SMAD2: variants seen among roughly 807,000 people sequenced by gnomAD.
SMAD2 encodes MAD homolog 2.
SMAD2 carries 8 observed loss-of-function variants against 64.4 expected under a neutral mutation model. That is an observed-to-expected ratio of 0.12 (90% CI 0.07 to 0.22). The LOEUF (loss-of-function observed/expected upper bound fraction) is 0.22. Ranked by LOEUF, SMAD2 falls within the 10% of genes least tolerant of loss-of-function variation. The pLI is 1.00. For synonymous variants in SMAD2, 203 were observed against 195.8 expected (o/e 1.04, Z -0.31); for missense variants, 289 against 561.2 (o/e 0.51, Z 4.90).
chr18:47,837,914 G>C lies in SMAD2; in HGVS notation c.*3913C>G. On this transcript the variant is annotated 3_prime_UTR_variant, in exon 11 of 11. Coordinates refer to ENST00000262160, the MANE Select transcript of SMAD2 (RefSeq NM_005901.6). ...TTATGTACAGTGAAGATTGTCTTGT[G>C]TTACTTTATATCCCAACATAAACCT... 1 of 232,542 alleles carries C rather than the reference G, an allele frequency of 4.3e-6. No individual in the cohort carries two copies. The highest frequency in any genetic ancestry group is 6.1e-5 in the East Asian group (1 of 16,512). The allele number at this position is 232,542 out of a possible 1,614,324, so 14.4% of individuals were successfully genotyped here. A position where few individuals can be genotyped will look rare whatever the true frequency, so the allele number is the denominator to read the frequency against.
intron 1 of SMAD2, 74 bp from the exon 2 acceptor site, chr18:47,896,883 A>G (rs2033460591): frequency 7.4e-7 from 1 of 1,352,200 alleles, no homozygotes; most frequent in Admixed American, 2.0e-5. Flanking sequence ...TATCATAGAA[A>G]GCAAACTGCA....
intron 2 of SMAD2, among the ~76,000 whole-genome samples, chr18:47,892,606 C>T (rs573549140): frequency 1.6e-4 from 25 of 152,140 alleles, no homozygotes; most frequent in East Asian, 3.9e-4. Flanking sequence ...ACTTTTCTTT[C>T]GCTATTCTTG....
chr18:47,857,492 G>A (rs932652564), intron 6 of SMAD2, among the ~76,000 whole-genome samples: 38 of 152,162 alleles, frequency 2.5e-4, no homozygotes, highest in African/African-American at 8.9e-4. Flanking sequence ...TTAGTATGTA[G>A]AAGATTGGGG....
chr18:47,847,279 C>G (rs1914590151), intron 8 of SMAD2, among the ~76,000 whole-genome samples: 1 of 152,116 alleles, frequency 6.6e-6, no homozygotes, highest in Non-Finnish European at 1.5e-5. Flanking sequence ...CCACTTGGAA[C>G]CAAGTAATAG....
intron 1 of SMAD2, among the ~76,000 whole-genome samples, chr18:47,911,114 G>A (rs1262364728): frequency 2.0e-5 from 3 of 152,116 alleles, no homozygotes; most frequent in South Asian, 2.1e-4. Context: ...CACTTTGAGA[G>A]GCAGAGGCGG....
chr18:47,885,154 C>T (rs1056256849), intron 2 of SMAD2, among the ~76,000 whole-genome samples: 54 of 149,720 alleles, frequency 3.6e-4, no homozygotes, highest in East Asian at 9.8e-4. Flanking sequence ...CACACACACA[C>T]ACACACACAC....
At chr18:47,855,067 C>A (rs1029573153) in intron 6 of SMAD2, among the ~76,000 whole-genome samples, 3 of 152,166 alleles carry the variant, frequency 2.0e-5, no homozygotes, top group Non-Finnish European at 4.4e-5. Flanking sequence ...ATAGTTCTGC[C>A]TTCTCCAGAA....
intron 6 of SMAD2, among the ~76,000 whole-genome samples, chr18:47,860,454 A>C (rs545957440): frequency 2.7e-5 from 4 of 147,108 alleles, no homozygotes; most frequent in Admixed American, 6.7e-5. Context: ...AAAAAAAAAA[A>C]TTTTTTTTTG....
At chr18:47,849,475 A>G (rs1431631515) in intron 7 of SMAD2, among the ~76,000 whole-genome samples, 3 of 76,528 alleles carry the variant, frequency 3.9e-5, no homozygotes, top group African/African-American at 1.6e-4. Context: ...TAATAGTAAT[A>G]CAGAAATGTA....
chr18:47,914,004 A>C (rs755425073), intron 1 of SMAD2, among the ~76,000 whole-genome samples: 3 of 152,236 alleles, frequency 2.0e-5, no homozygotes, highest in Non-Finnish European at 4.4e-5. Context: ...CTCACCGGAA[A>C]GTTTCAATAA....
At chr18:47,866,395 T>G (rs2031565221) in intron 5 of SMAD2, among the ~76,000 whole-genome samples, 1 of 149,856 alleles carries the variant, frequency 6.7e-6, no homozygotes, top group African/African-American at 2.5e-5. Context: ...TTACAATATC[T>G]ATTCAATAAA....
At chr18:47,898,660 A>AT (rs1212991389) in intron 1 of SMAD2, among the ~76,000 whole-genome samples, 5 of 99,608 alleles carry the variant, frequency 5.0e-5, no homozygotes, top group African/African-American at 1.9e-4. Context: ...ATGGAAGAAT[A>AT]ATTTTTTTTT....
At position 47,826,207 on chromosome 18, in the gene SMAD2, C is replaced by T. The variant is rs1007338298; in HGVS notation, c.*15620G>A. The T allele has an allele frequency of 1.3e-5, 2 of 152,238 alleles. No individual in the cohort carries two copies. The highest frequency in any genetic ancestry group is 2.9e-5 in the Non-Finnish European group (2 of 68,050). 9.4% of individuals were successfully genotyped at this position (152,238 alleles called of 1,614,324 possible). A position where few individuals can be genotyped will look rare whatever the true frequency, so the allele number is the denominator to read the frequency against. On this transcript the variant is annotated 3_prime_UTR_variant, in exon 11 of 11. Transcript: ENST00000262160. ...TTAAAACATTTCAAACCAAATAGGC[C>T]ACTCTATTAAGTCCCAGCTTGAGCA... is the stretch of plus-strand genomic sequence containing the variant.
chr18:47,865,500 T>G (rs978229441), intron 5 of SMAD2, among the ~76,000 whole-genome samples: 9 of 152,320 alleles, frequency 5.9e-5, no homozygotes, highest in African/African-American at 2.2e-4. Context: ...TTGTTGTTGT[T>G]TAATCTAATG....
chr18:47,919,167 AGCAATGG>A (rs2144536336), intron 1 of SMAD2, among the ~76,000 whole-genome samples: 1 of 152,270 alleles, frequency 6.6e-6, no homozygotes, highest in African/African-American at 2.4e-5. Flanking sequence ...AAGTCAAGAG[AGCAATGG>A]CTTCGTAATT....
rs1052904834 is a variant in SMAD2, at chr18:47,834,916, C to T, written c.*6911G>A. ...AAACAAAGGCTGCCAGCTGGAGACA[C>T]AGCCCTCCGATTACAAAGGCCCAGA... On this transcript the variant is annotated 3_prime_UTR_variant, in exon 11 of 11. Transcript: ENST00000262160. 4.5e-6 allele frequency: 1 copy of T among 223,348 alleles called. No homozygotes were observed. The allele number at this position is 223,348 out of a possible 1,614,324, so 13.8% of individuals were successfully genotyped here. A position where few individuals can be genotyped will look rare whatever the true frequency, so the allele number is the denominator to read the frequency against.
Position 47,841,744 on chromosome 18 carries a change from AAC to A in SMAD2, c.*81_*82del, listed in dbSNP as rs1913973140. 3.3e-6 allele frequency: 5 copies of A among 1,533,564 alleles called. No homozygotes were observed. In the Admixed American group the frequency reaches 8.4e-5, roughly 26 times the overall value. 95.0% of individuals were successfully genotyped at this position (1,533,564 alleles called of 1,614,324 possible). A position where few individuals can be genotyped will look rare whatever the true frequency, so the allele number is the denominator to read the frequency against. ...TTCTCTCTTGAACTTTTGGATAGTA[AAC>A]AGTCCATAGGGACCACACACAATGC... On this transcript the variant is annotated 3_prime_UTR_variant, in exon 11 of 11. Coordinates refer to ENST00000262160, the MANE Select transcript of SMAD2 (RefSeq NM_005901.6).
chr18:47,847,071 A>T (rs180710364), intron 8 of SMAD2, among the ~76,000 whole-genome samples: 17 of 152,260 alleles, frequency 1.1e-4, no homozygotes, highest in East Asian at 5.8e-4. Flanking sequence ...TAAAAAATTT[A>T]AAAAAATCCA....
At chr18:47,850,668 T>C (rs1255968693) in intron 7 of SMAD2, among the ~76,000 whole-genome samples, 2 of 20,260 alleles carry the variant, frequency 9.9e-5, no homozygotes, top group Non-Finnish European at 1.5e-4. Context: ...TTATATACTA[T>C]ATATATATTA....
Sources: gnomAD v4.1 joint callset for allele counts (sites outside exome capture counted in the v4.1 genomes callset) on GRCh38, gnomAD v4.1.1 for gene constraint, MANE v1.5 for transcripts, NCBI Gene and HGNC (gene_info 2026-07-23, HGNC 2026-07-21) for gene names.